RAPGEF4: variants seen among roughly 807,000 people sequenced by gnomAD.
RAPGEF4 encodes the protein Rap guanine nucleotide exchange factor 4.
In RAPGEF4, 66 loss-of-function variants were observed where a neutral mutation model predicts 147.9. The ratio of observed to expected loss-of-function variants is 0.45; its 90% CI spans 0.37 to 0.55. The LOEUF (loss-of-function observed/expected upper bound fraction) is 0.55. Among genes scored for constraint, RAPGEF4 ranks in the 20% least tolerant of loss-of-function variants. RAPGEF4 has a pLI of 0.00. For missense variants in RAPGEF4, 1,071 were observed against 1,257.3 expected (o/e 0.85, Z 2.24); for synonymous variants, 419 against 442.7 (o/e 0.95, Z 0.67).
At chr2:172,836,485 G>A (rs140995227) in intron 4 of RAPGEF4, among the ~76,000 whole-genome samples, 1 of 152,268 alleles carries the variant, frequency 6.6e-6, no homozygotes. Context: ...GATTAAACAC[G>A]CTCTGTTTGG....
At position 172,890,147 on chromosome 2, in the gene RAPGEF4, G is replaced by A. The variant is rs182386209; in HGVS notation, c.445-27655G>A. On this transcript the variant is annotated intron_variant, in intron 4 of 30. Transcript: ENST00000397081. ...AATAATTTAGAGGGTTTTTATTTTG[G>A]CAGCTGAGGTTCTGACGCCAGATGC... 2.4e-4 allele frequency among the ~76,000 whole-genome samples: 36 copies of A among 152,330 alleles called. No homozygotes were observed. In the East Asian group the frequency reaches 6.4e-3, roughly 27 times the overall value.
intron 3 of RAPGEF4, among the ~76,000 whole-genome samples, chr2:172,799,651 G>A (rs748017744): frequency 2.6e-5 from 4 of 152,130 alleles, no homozygotes; most frequent in Admixed American, 6.5e-5. Flanking sequence ...CCTGCAGCTC[G>A]AGTGGTTCCT....
chr2:172,973,067 CG>C (rs1289957586), intron 10 of RAPGEF4, among the ~76,000 whole-genome samples: 4 of 148,918 alleles, frequency 2.7e-5, no homozygotes, highest in South Asian at 2.1e-4. Flanking sequence ...AGTTTGTGAT[CG>C]TTGGATGTTT....
At chr2:172,831,417 T>G (rs1690337315) in intron 4 of RAPGEF4, among the ~76,000 whole-genome samples, 2 of 151,640 alleles carry the variant, frequency 1.3e-5, no homozygotes, top group Admixed American at 1.3e-4. Context: ...TACAGGTGCC[T>G]GCCACCATGC....
chr2:172,847,164 G>C (rs1472247458), intron 4 of RAPGEF4, among the ~76,000 whole-genome samples: 1 of 152,182 alleles, frequency 6.6e-6, no homozygotes, highest in South Asian at 2.1e-4. Context: ...AGAGTTAGCG[G>C]TTGCAGGGTT....
At chr2:172,966,114 G>A (rs1224549035) in intron 9 of RAPGEF4, among the ~76,000 whole-genome samples, 1 of 152,132 alleles carries the variant, frequency 6.6e-6, no homozygotes, top group African/African-American at 2.4e-5. Flanking sequence ...CCGCTGTCTG[G>A]GAGAGCCAAT....
chr2:172,913,925 G>A (rs1350721973), intron 4 of RAPGEF4, among the ~76,000 whole-genome samples: 3 of 152,186 alleles, frequency 2.0e-5, no homozygotes, highest in East Asian at 3.9e-4. Context: ...CTACTTTCTT[G>A]TAGATAGCTA....
At chr2:172,932,006 C>A (rs1372415060) in intron 6 of RAPGEF4, among the ~76,000 whole-genome samples, 4 of 144,200 alleles carry the variant, frequency 2.8e-5, no homozygotes, top group African/African-American at 1.0e-4. Flanking sequence ...CCCCATGCGC[C>A]CACCCCCAGC....
chr2:172,965,769 G>A (rs1272681346), intron 9 of RAPGEF4, 86 bp downstream of exon 9: 4 of 1,548,556 alleles, frequency 2.6e-6, no homozygotes, highest in East Asian at 2.2e-5. Flanking sequence ...TCTTGAATGG[G>A]CAAGAAAGAA....
At chr2:172,946,177 A>G (rs1333338854) in intron 6 of RAPGEF4, among the ~76,000 whole-genome samples, 2 of 152,214 alleles carry the variant, frequency 1.3e-5, no homozygotes, top group Non-Finnish European at 2.9e-5. Context: ...ATGATTTAGC[A>G]TTATGTAAAA....
chr2:172,743,362 C>T (rs1405616061), intron 1 of RAPGEF4, among the ~76,000 whole-genome samples: 1 of 152,136 alleles, frequency 6.6e-6, no homozygotes, highest in Non-Finnish European at 1.5e-5. Context: ...TCCGTGTGCA[C>T]CCTCTTGCTT....
At chr2:172,990,101 T>C (rs1017991255) in intron 14 of RAPGEF4, among the ~76,000 whole-genome samples, 7 of 151,998 alleles carry the variant, frequency 4.6e-5, no homozygotes, top group Admixed American at 3.9e-4. Context: ...GGAATTTGAG[T>C]TGGTTCTTAT....
intron 12 of RAPGEF4, among the ~76,000 whole-genome samples, chr2:172,986,410 A>C (rs1178084058): frequency 6.6e-6 from 1 of 152,184 alleles, no homozygotes; most frequent in Non-Finnish European, 1.5e-5. Flanking sequence ...ATTAATTGTA[A>C]ATGTGGTTTT....
At chr2:172,980,860 AG>A (rs1691605714) in intron 10 of RAPGEF4, among the ~76,000 whole-genome samples, 1 of 152,178 alleles carries the variant, frequency 6.6e-6, no homozygotes, top group Non-Finnish European at 1.5e-5. Context: ...TCTGTTGCCC[AG>A]GCTGGTCTCA....
At chr2:172,928,188 C>G (rs1367163957) in intron 6 of RAPGEF4, 1 of 455,496 alleles carries the variant, frequency 2.2e-6, no homozygotes, top group South Asian at 1.6e-5. Flanking sequence ...ACAACTTCAG[C>G]TCTCCAGTCT....
At chr2:173,032,389 A>G (rs1697274776) in intron 26 of RAPGEF4, among the ~76,000 whole-genome samples, 1 of 152,196 alleles carries the variant, frequency 6.6e-6, no homozygotes, top group African/African-American at 2.4e-5. Flanking sequence ...GGGGTGGATA[A>G]ATAATAGTAT....
At chr2:172,863,183 G>A (rs190207043) in intron 4 of RAPGEF4, among the ~76,000 whole-genome samples, 1 of 152,304 alleles carries the variant, frequency 6.6e-6, no homozygotes, top group Admixed American at 6.5e-5. Context: ...TCTAATGTGT[G>A]TGTGTGTTCT....
At chr2:172,964,313 C>T (rs750130602) in intron 8 of RAPGEF4, among the ~76,000 whole-genome samples, 3 of 151,858 alleles carry the variant, frequency 2.0e-5, no homozygotes, top group Non-Finnish European at 4.4e-5. Context: ...ATCAAGGAAT[C>T]CCACAATTCC....
chr2:172,850,862 A>T (rs538369382), intron 4 of RAPGEF4, among the ~76,000 whole-genome samples: 2 of 152,186 alleles, frequency 1.3e-5, no homozygotes, highest in African/African-American at 4.8e-5. Context: ...CTAGCAGTCT[A>T]TCTATCTTAT....
Sources: gnomAD v4.1 joint callset for allele counts (sites outside exome capture counted in the v4.1 genomes callset) on GRCh38, gnomAD v4.1.1 for gene constraint, MANE v1.5 for transcripts, NCBI Gene and HGNC (gene_info 2026-07-23, HGNC 2026-07-21) for gene names.